Variants in ABTB3 observed in about 807,000 individuals in gnomAD.
The protein encoded by ABTB3 is ankyrin repeat- and BTB/POZ domain-containing protein 3.
the ABTB3 span, among the ~76,000 whole-genome samples, chr12:107,386,217 A>T: frequency 1.3e-5 from 2 of 152,116 alleles, no homozygotes; most frequent in African/African-American, 4.8e-5. Context: ...CAATCATCCT[A>T]CCTGCCTAAC....
At chr12:107,430,322 C>T in the ABTB3 span, among the ~76,000 whole-genome samples, 1 of 152,150 alleles carries the variant, frequency 6.6e-6, no homozygotes, top group African/African-American at 2.4e-5. Flanking sequence ...GACATTTGCC[C>T]AGGCATCGCA....
the ABTB3 span, among the ~76,000 whole-genome samples, chr12:107,433,488 C>T: frequency 6.6e-6 from 1 of 151,920 alleles, no homozygotes; most frequent in Non-Finnish European, 1.5e-5. Context: ...GCAAGGTGGC[C>T]CTGGGAACAG....
At chr12:107,352,467 C>T in the ABTB3 span, among the ~76,000 whole-genome samples, 1 of 152,108 alleles carries the variant, frequency 6.6e-6, no homozygotes, top group African/African-American at 2.4e-5. Flanking sequence ...TGGGAGGAAA[C>T]TGATGTTTGT....
the ABTB3 span, among the ~76,000 whole-genome samples, chr12:107,366,201 T>C: frequency 6.6e-6 from 1 of 152,284 alleles, no homozygotes; most frequent in African/African-American, 2.4e-5. Context: ...TTTCAGTGCT[T>C]GACACCCTAA....
chr12:107,538,057 C>T, the ABTB3 span, among the ~76,000 whole-genome samples: 2 of 146,316 alleles, frequency 1.4e-5, no homozygotes, highest in Admixed American at 1.3e-4. Flanking sequence ...CTATGCAGCT[C>T]TTCCCCACTC....
At chr12:107,582,393 T>A in the ABTB3 span, among the ~76,000 whole-genome samples, 8 of 152,020 alleles carry the variant, frequency 5.3e-5, no homozygotes, top group African/African-American at 1.9e-4. Context: ...GAGTAGTAAA[T>A]AATAGAGTCA....
At chr12:107,482,934 T>C in the ABTB3 span, among the ~76,000 whole-genome samples, 5 of 13,612 alleles carry the variant, frequency 3.7e-4, no homozygotes, top group African/African-American at 9.6e-4. Flanking sequence ...CTTTCTTTCT[T>C]TCTTTCTTTC....
the ABTB3 span, among the ~76,000 whole-genome samples, chr12:107,639,664 A>G: frequency 1.1e-4 from 16 of 152,308 alleles, no homozygotes; most frequent in Non-Finnish European, 1.8e-4. Context: ...GGAGGATCCT[A>G]GTGTTTAACA....
chr12:107,581,035 G>C, the ABTB3 span: 1 of 1,551,172 alleles, frequency 6.4e-7, no homozygotes, highest in Middle Eastern at 1.7e-4. Flanking sequence ...AGCGGGGTGT[G>C]GGCTGGGGAG....
At chr12:107,324,435 C>T in the ABTB3 span, among the ~76,000 whole-genome samples, 1 of 151,774 alleles carries the variant, frequency 6.6e-6, no homozygotes, top group Non-Finnish European at 1.5e-5. Flanking sequence ...TTGAGACCAG[C>T]TGAAGCAACA....
the ABTB3 span, among the ~76,000 whole-genome samples, chr12:107,510,437 C>T: frequency 0.11 from 16,397 of 151,738 alleles, 941 homozygotes; most frequent in African/African-American, 0.14. Flanking sequence ...ACACCATAAC[C>T]ACCCCCACAC....
chr12:107,454,862 G>A, the ABTB3 span, among the ~76,000 whole-genome samples: 2 of 152,116 alleles, frequency 1.3e-5, no homozygotes, highest in Non-Finnish European at 2.9e-5. Flanking sequence ...AACAAATGGT[G>A]CTAATTACTC....
chr12:107,353,026 C>G, the ABTB3 span, among the ~76,000 whole-genome samples: 1 of 152,162 alleles, frequency 6.6e-6, no homozygotes, highest in African/African-American at 2.4e-5. Flanking sequence ...TGCCAGCTCT[C>G]CAACTCTGGC....
chr12:107,648,510 C>T, the ABTB3 span, among the ~76,000 whole-genome samples: 11 of 152,212 alleles, frequency 7.2e-5, no homozygotes, highest in East Asian at 5.8e-4. Context: ...GATACATCCA[C>T]GGGCCCCATT....
chr12:107,587,083 G>A, the ABTB3 span, among the ~76,000 whole-genome samples: 1 of 152,244 alleles, frequency 6.6e-6, no homozygotes, highest in Admixed American at 6.5e-5. Context: ...TTCAGAGAGA[G>A]AGAGCATAGG....
chr12:107,387,008 G>A, the ABTB3 span, among the ~76,000 whole-genome samples: 14 of 145,318 alleles, frequency 9.6e-5, 1 homozygote, highest in South Asian at 6.6e-4. Flanking sequence ...ACAGAGTTTC[G>A]CTCTTATTGC....
the ABTB3 span, among the ~76,000 whole-genome samples, chr12:107,454,116 G>A: frequency 6.6e-6 from 1 of 152,248 alleles, no homozygotes; most frequent in African/African-American, 2.4e-5. Flanking sequence ...GCACATAGTA[G>A]GTGCTCAATA....
At chr12:107,470,616 G>A in the ABTB3 span, among the ~76,000 whole-genome samples, 1,267 of 152,282 alleles carry the variant, frequency 8.3e-3, 15 homozygotes, top group Non-Finnish European at 0.014. Flanking sequence ...CTTGTCACTC[G>A]GAGCAGAGCA....
chr12:107,376,361 T>C, the ABTB3 span, among the ~76,000 whole-genome samples: 1 of 152,278 alleles, frequency 6.6e-6, no homozygotes, highest in South Asian at 2.1e-4. Context: ...GAGTATATAT[T>C]TGATGAATGG....
Sources: allele counts gnomAD v4.1 joint callset (sites outside exome capture counted in the v4.1 genomes callset), GRCh38; gene constraint gnomAD v4.1.1; transcripts MANE v1.5; gene names NCBI Gene and HGNC (gene_info 2026-07-23, HGNC 2026-07-21).